WRN: variants seen among roughly 807,000 people sequenced by gnomAD.
WRN encodes bifunctional 3'-5' exonuclease/ATP-dependent helicase WRN.
In WRN, 149 loss-of-function variants were observed where a neutral mutation model predicts 180.7. That is an observed-to-expected ratio of 0.82 (90% CI 0.72 to 0.94). The LOEUF (loss-of-function observed/expected upper bound fraction) is 0.94, where lower values mean the gene tolerates loss of function less well. Ranked by LOEUF, WRN falls within the 40% of genes least tolerant of loss-of-function variation. The probability of loss-of-function intolerance (pLI) is 0.00; values close to 1 mark genes in which losing one functional copy is unlikely to be tolerated. For synonymous variants in WRN, 548 were observed against 568.9 expected, an observed-to-expected ratio of 0.96 and a Z score of 0.52; for missense variants, 1,661 against 1,700.1, an observed-to-expected ratio of 0.98 and a Z score of 0.40.
chr8:31,154,858 C>T, intron 32 of WRN, 103 bp downstream of exon 32: 1 of 1,371,388 alleles, frequency 7.3e-7, no homozygotes, highest in Non-Finnish European at 1.0e-6. Flanking sequence ...CAATTTCCTC[C>T]AACCCTACAA....
chr8:31,075,606 G>C (rs1282523632), intron 7 of WRN, among the ~76,000 whole-genome samples: 1 of 151,890 alleles, frequency 6.6e-6, no homozygotes, highest in East Asian at 1.9e-4. Flanking sequence ...TGTAGTCCCA[G>C]CTACTCCGGG....
At chr8:31,060,659 C>T (rs181954271) in intron 3 of WRN, among the ~76,000 whole-genome samples, 2 of 152,288 alleles carry the variant, frequency 1.3e-5, no homozygotes, top group East Asian at 3.9e-4. Context: ...CTACAGTTAT[C>T]TGGCCACTTT....
intron 3 of WRN, among the ~76,000 whole-genome samples, chr8:31,060,482 T>G (rs148655520): frequency 6.6e-6 from 1 of 152,240 alleles, no homozygotes; most frequent in East Asian, 1.9e-4. Flanking sequence ...GAGGCTGCAG[T>G]GAGCCTTGAT....
chr8:31,162,188 T>C (rs1200463118), intron 33 of WRN, among the ~76,000 whole-genome samples: 1 of 152,264 alleles, frequency 6.6e-6, no homozygotes, highest in Non-Finnish European at 1.5e-5. Flanking sequence ...GTAATAACAC[T>C]TGGCTTAAAA....
Position 31,120,552 on chromosome 8 carries a change from A to G in WRN, c.2630+128A>G, listed in dbSNP as rs1801686966. The G allele has an allele frequency of 4.0e-6, 4 of 1,000,746 alleles. No individual in the cohort carries two copies. In the Admixed American group the frequency reaches 1.2e-4, roughly 30 times the overall value. 62.0% of individuals were successfully genotyped at this position (1,000,746 alleles called of 1,614,324 possible). A position where few individuals can be genotyped will look rare whatever the true frequency, so the allele number is the denominator to read the frequency against. On this transcript the variant is annotated intron_variant, in intron 21 of 34. Coordinates refer to ENST00000298139, the MANE Select transcript of WRN (RefSeq NM_000553.6). ...GAGTGCATTTAAAGTAAAAAAAAAA[A>G]AAAAGAAAAATAAAACCTCCCCAAA...
intron 19 of WRN, among the ~76,000 whole-genome samples, chr8:31,112,345 G>A (rs1801353186): frequency 6.6e-6 from 1 of 152,146 alleles, no homozygotes; most frequent in Non-Finnish European, 1.5e-5. Flanking sequence ...GTCTTAAGGA[G>A]CTTAGAAAAG....
chr8:31,145,216 G>A (rs1260035106), intron 28 of WRN, among the ~76,000 whole-genome samples: 1 of 152,226 alleles, frequency 6.6e-6, no homozygotes, highest in Non-Finnish European at 1.5e-5. Context: ...AAGCTGTCTA[G>A]TACTTTCATA....
intron 16 of WRN, among the ~76,000 whole-genome samples, chr8:31,093,607 A>T (rs1813845353): frequency 6.6e-6 from 1 of 152,172 alleles, no homozygotes; most frequent in African/African-American, 2.4e-5. Context: ...AGCATTTTAA[A>T]TCACCTTTAT....
chr8:31,144,482 C>T (rs1228124774), intron 28 of WRN, among the ~76,000 whole-genome samples: 1 of 151,520 alleles, frequency 6.6e-6, no homozygotes. Flanking sequence ...ACTACAGGCG[C>T]CCCCCGATCA....
At chr8:31,162,369 C>G (rs186506114) in intron 33 of WRN, among the ~76,000 whole-genome samples, 88 of 152,262 alleles carry the variant, frequency 5.8e-4, no homozygotes, top group African/African-American at 2.0e-3. Context: ...TCAGGATCAT[C>G]AGTCTCACTA....
At chr8:31,044,835 A>AT (rs1811798925) in intron 1 of WRN, among the ~76,000 whole-genome samples, 1 of 152,216 alleles carries the variant, frequency 6.6e-6, no homozygotes, top group Admixed American at 6.5e-5. Flanking sequence ...AATTTACCCT[A>AT]TAACTGCTTC....
Position 31,157,547 on chromosome 8 carries a change from A to G in WRN, c.3982+17A>G. 1.2e-6 allele frequency: 2 copies of G among 1,613,866 alleles called. No homozygotes were observed. Among genetic ancestry groups the G allele is most frequent in the Non-Finnish European group, 1.7e-6 (2 of 1,179,912 alleles). ...TCAACTCAGGTGAGAGGCATGGCCT[A>G]GCTCTGCACCCTTAATGACTTGATG... is the stretch of plus-strand genomic sequence containing the variant. On this transcript the variant is annotated intron_variant, in intron 33 of 34. Coordinates refer to ENST00000298139, the MANE Select transcript of WRN (RefSeq NM_000553.6).
chr8:31,059,369 CAAT>C, intron 3 of WRN, 104 bp downstream of exon 3: 1 of 881,272 alleles, frequency 1.1e-6, no homozygotes, highest in South Asian at 1.4e-5. Flanking sequence ...GAGGTGTGTT[CAAT>C]AGATAATTAT....
intron 33 of WRN, among the ~76,000 whole-genome samples, chr8:31,166,412 A>G (rs923752557): frequency 2.6e-5 from 4 of 152,152 alleles, no homozygotes; most frequent in Non-Finnish European, 5.9e-5. Context: ...AGTCTGAATT[A>G]GTTCTGTTGA....
At chr8:31,038,602 G>A (rs1185843756) in intron 1 of WRN, among the ~76,000 whole-genome samples, 3 of 151,798 alleles carry the variant, frequency 2.0e-5, no homozygotes, top group East Asian at 1.9e-4. Context: ...TATTACCTAT[G>A]CTTTTGGCAT....
intron 1 of WRN, among the ~76,000 whole-genome samples, chr8:31,035,942 A>G (rs568906993): frequency 8.9e-4 from 135 of 152,186 alleles, no homozygotes; most frequent in African/African-American, 3.0e-3. Flanking sequence ...TTGTCTCTAT[A>G]TAGCTCTCAA....
intron 13 of WRN, 30 bp downstream of exon 13, chr8:31,088,995 A>G (rs375355468): frequency 1.5e-5 from 24 of 1,583,612 alleles, no homozygotes; most frequent in East Asian, 4.5e-5. Context: ...ATCAAATCAC[A>G]TATTTAGTAT....
At chr8:31,083,498 C>G (rs1813400623) in intron 9 of WRN, among the ~76,000 whole-genome samples, 2 of 151,834 alleles carry the variant, frequency 1.3e-5, no homozygotes, top group South Asian at 4.1e-4. Context: ...TTCTTTCTTT[C>G]TCTTTGGTTC....
chr8:31,057,422 T>C (rs1396913551), intron 1 of WRN, among the ~76,000 whole-genome samples: 2 of 151,902 alleles, frequency 1.3e-5, no homozygotes, highest in Non-Finnish European at 2.9e-5. Flanking sequence ...ATGCAAAAAA[T>C]TAGCCGGGCT....
Sources: gnomAD v4.1 joint callset for allele counts (sites outside exome capture counted in the v4.1 genomes callset) on GRCh38, gnomAD v4.1.1 for gene constraint, MANE v1.5 for transcripts, NCBI Gene and HGNC (gene_info 2026-07-23, HGNC 2026-07-21) for gene names.